ZBTB17: variants seen among roughly 807,000 people sequenced by gnomAD.
ZBTB17 encodes the protein zinc finger and BTB domain containing 17, also known as zinc finger and BTB domain-containing protein 17.
ZBTB17 carries 24 observed loss-of-function variants against 85.1 expected under a neutral mutation model. The ratio of observed to expected loss-of-function variants is 0.28; its 90% CI spans 0.20 to 0.40. The LOEUF (loss-of-function observed/expected upper bound fraction) is 0.40. ZBTB17 is among the 10% of genes least tolerant of loss of function. ZBTB17 has a pLI of 1.00. For synonymous variants in ZBTB17, 464 were observed against 460.2 expected (o/e 1.01, Z -0.11); for missense variants, 743 against 1,105.1 (o/e 0.67, Z 4.65).
chr1:15,950,982 A>G (rs572653550), intron 2 of ZBTB17, among the ~76,000 whole-genome samples: 2 of 152,312 alleles, frequency 1.3e-5, no homozygotes, highest in South Asian at 4.1e-4. Flanking sequence ...CACATTCGCT[A>G]GATAATAAAA....
At chr1:15,956,347 G>A (rs2072043689) in intron 2 of ZBTB17, among the ~76,000 whole-genome samples, 1 of 152,236 alleles carries the variant, frequency 6.6e-6, no homozygotes. Context: ...CTGCTTTCAA[G>A]TGGTTACAGA....
chr1:15,976,045 G>T lies in ZBTB17; in HGVS notation c.-152C>A, dbSNP rs777084258. The stretch of plus-strand genomic sequence containing the variant: ...TCACGGCCGCGAGAAGGCCGGGGAC[G>T]GCACTCCAGAGCAGACAAAGGGCGC... On this transcript the variant is annotated 5_prime_UTR_variant, in exon 1 of 16. Transcript: ENST00000375743. 7 of 694,740 alleles carry T rather than the reference G, an allele frequency of 1.0e-5. No individual in the cohort carries two copies. The highest frequency in any genetic ancestry group is 1.6e-5 in the Non-Finnish European group (6 of 381,170). 43.0% of individuals were successfully genotyped at this position (694,740 alleles called of 1,614,324 possible).
intron 2 of ZBTB17, among the ~76,000 whole-genome samples, chr1:15,960,289 CAA>C (rs1282534017): frequency 6.6e-6 from 1 of 152,182 alleles, no homozygotes; most frequent in Non-Finnish European, 1.5e-5. Flanking sequence ...GAGATGATGA[CAA>C]AAGTTTCTTC....
At chr1:15,968,462 T>G (rs568698126) in intron 2 of ZBTB17, among the ~76,000 whole-genome samples, 2 of 152,246 alleles carry the variant, frequency 1.3e-5, no homozygotes, top group Non-Finnish European at 2.9e-5. Context: ...CAAGGAAGCC[T>G]CGGATCATAA....
chr1:15,959,843 T>G (rs1299985421), intron 2 of ZBTB17, among the ~76,000 whole-genome samples: 1 of 152,174 alleles, frequency 6.6e-6, no homozygotes, highest in East Asian at 1.9e-4. Context: ...ACCTAAGTCC[T>G]TTATTTCTAT....
rs1357318700 is a variant in ZBTB17, at chr1:15,964,201, A to C, written c.-3+8838T>G. On this transcript the variant is annotated intron_variant, in intron 2 of 15. Transcript: ENST00000375743. This position sits in a 1 kb window ranked among gnomAD's most constrained non-coding sequence, Gnocchi z 4.3. ...AGTGGAAGAGAAAGTGATAGCAATT[A>C]AAGTGTTCTCAGGTCCTCACTGTTT... Among the ~76,000 whole-genome samples, 1 of 151,694 alleles carries C rather than the reference A, an allele frequency of 6.6e-6. No individual in the cohort carries two copies. Among genetic ancestry groups the C allele is most frequent in the Non-Finnish European group, 1.5e-5 (1 of 68,026 alleles).
intron 10 of ZBTB17, 29 bp from the exon 11 acceptor site, chr1:15,943,744 G>A (rs541323675): frequency 7.4e-6 from 12 of 1,612,900 alleles, no homozygotes; most frequent in South Asian, 4.4e-5. Context: ...CGAACCTGGC[G>A]TGGGGCACCA....
chr1:15,946,637 G>A (rs2071622645), intron 4 of ZBTB17, among the ~76,000 whole-genome samples: 1 of 152,238 alleles, frequency 6.6e-6, no homozygotes, highest in African/African-American at 2.4e-5. Flanking sequence ...GGGCATCTGA[G>A]GGCTTTTATC....
At chr1:15,956,714 C>T in intron 2 of ZBTB17, among the ~76,000 whole-genome samples, 1 of 152,144 alleles carries the variant, frequency 6.6e-6, no homozygotes, top group Non-Finnish European at 1.5e-5. Flanking sequence ...ATGAATTTCA[C>T]AAATGTCTAA....
chr1:15,945,968 C>T, intron 5 of ZBTB17, 128 bp from the exon 6 acceptor site: 1 of 1,549,366 alleles, frequency 6.5e-7, no homozygotes, highest in East Asian at 2.3e-5. Flanking sequence ...CACCCCTAGC[C>T]AAGGCTGTTG....
rs533595834 is a variant in ZBTB17, at chr1:15,947,833, T to G, written c.205+458A>C. 7.2e-5 allele frequency among the ~76,000 whole-genome samples: 11 copies of G among 152,248 alleles called. No homozygotes were observed. The East Asian group carries it at 2.1e-3, about 29-fold the overall frequency. ...TCATGGCATGTCACGTCAGTCTGGG[T>G]TGGGAGTCTGAATCCAGGACCAGTT... On this transcript the variant is annotated intron_variant, in intron 3 of 15. Transcript: ENST00000375743.
rs765383079 is a variant in ZBTB17 at position 15,945,027 on chromosome 1, C to A, written c.837G>T (p.Glu279Asp). ...EESAGTDSGQELGSEARGLRS... is the reference protein window; with the variant it reads ...EESAGTDSGQDLGSEARGLRS... ...GCAGGCCCCGGGCCTCGGAGCCGAG[C>A]TCCTGCCCCGAGTCTGTGCCCGCTG... Residue 279 changes from glutamate (E) to aspartate (D), a missense_variant, in exon 7 of 16, where the codon GAG becomes GAT. Physicochemically the swap from Glu to Asp is conservative, Grantham distance 45. This residue lies in a region of ZBTB17 where 279 missense variants were observed against 269.9 expected (regional missense o/e 1.03). Coordinates refer to ENST00000375743, the MANE Select transcript of ZBTB17 (RefSeq NM_003443.3). 19 of 1,606,032 alleles carry A rather than the reference C, an allele frequency of 1.2e-5. No individual in the cohort carries two copies. In the South Asian group the frequency reaches 2.1e-4, roughly 18 times the overall value.
intron 2 of ZBTB17, among the ~76,000 whole-genome samples, chr1:15,950,135 C>G (rs2071779687): frequency 6.6e-6 from 1 of 152,250 alleles, no homozygotes; most frequent in Non-Finnish European, 1.5e-5. Flanking sequence ...CCTGGGGCAG[C>G]TGGCCCCGCA....
chr1:15,945,072 C>T lies in ZBTB17; in HGVS notation c.792G>A (p.Glu264=). 6.2e-7 allele frequency: 1 copy of T among 1,611,846 alleles called. No individual in the cohort carries two copies. ...CCGCTGACTCCTCATTCTCGTTCTC[C>T]TCGGGGGCCTCTCCGTTCTCCAGCT... is the stretch of plus-strand genomic sequence containing the variant. ...GSQLENGEAP[E]ENENEESAGT... The change falls in exon 7 of 16, where the codon GAG becomes GAA. Residue 264 remains glutamate, a synonymous_variant. Coordinates refer to ENST00000375743, the MANE Select transcript of ZBTB17 (RefSeq NM_003443.3).
intron 2 of ZBTB17, among the ~76,000 whole-genome samples, chr1:15,960,659 TG>T (rs1403576883): frequency 7.2e-5 from 11 of 152,228 alleles, no homozygotes; most frequent in African/African-American, 2.4e-4. Flanking sequence ...ACACAAGGAC[TG>T]CAGGAGCAAA....
chr1:15,968,337 C>T (rs1042476935), intron 2 of ZBTB17, among the ~76,000 whole-genome samples: 8 of 152,150 alleles, frequency 5.3e-5, no homozygotes, highest in African/African-American at 1.9e-4. Context: ...TCCACTCATC[C>T]GACACTTGCT....
chr1:15,965,998 G>C (rs1217782164), intron 2 of ZBTB17, among the ~76,000 whole-genome samples: 1 of 152,198 alleles, frequency 6.6e-6, no homozygotes, highest in Non-Finnish European at 1.5e-5. Context: ...CATGGAAGAT[G>C]TTTCTTGTAT....
In ZBTB17 at chr1:15,945,797, C is replaced by G; in HGVS notation, c.579G>C (p.Pro193=). Residue 193 remains proline (P), a synonymous_variant, in exon 6 of 16, where the codon CCG becomes CCC. Transcript: ENST00000375743. ...TEKADAPREP[P]PVELKPDPTS... is the part of the protein sequence containing the mutation. ...TGGGGTCTGGCTTGAGCTCCACAGG[C>G]GGCGGCTCCCGGGGCGCATCGGCTT... is the stretch of plus-strand genomic sequence containing the variant. 1 of 1,603,846 alleles carries G rather than the reference C, an allele frequency of 6.2e-7. No individual in the cohort carries two copies. The highest frequency in any genetic ancestry group is 1.1e-5 in the South Asian group (1 of 90,904).
chr1:15,971,726 CTG>C (rs2072695042), intron 2 of ZBTB17, among the ~76,000 whole-genome samples: 1 of 151,506 alleles, frequency 6.6e-6, no homozygotes, highest in Non-Finnish European at 1.5e-5. Flanking sequence ...CCAGACAATT[CTG>C]TGAATTACCT....
Sources: gnomAD v4.1 joint callset for allele counts (sites outside exome capture counted in the v4.1 genomes callset) on GRCh38, gnomAD v4.1.1 for gene constraint, gnomAD v4.1.1 regional missense constraint, Gnocchi (gnomAD v3.1) non-coding constraint, MANE v1.5 for transcripts, NCBI Gene and HGNC (gene_info 2026-07-23, HGNC 2026-07-21) for gene names.